CTNNA3: variants seen among roughly 807,000 people sequenced by gnomAD.
CTNNA3 encodes catenin alpha-3.
Under a neutral mutation model 95.7 loss-of-function variants are expected in CTNNA3, and 76 were observed. The observed-to-expected ratio is 0.79, with a 90% CI of 0.66 to 0.96. The LOEUF (loss-of-function observed/expected upper bound fraction) is 0.96. Ranked by LOEUF, CTNNA3 falls within the 40% of genes least tolerant of loss-of-function variation. The probability of loss-of-function intolerance (pLI) is 0.00; values close to 1 mark genes in which losing one functional copy is unlikely to be tolerated. For synonymous variants in CTNNA3, 431 were observed against 374.4 expected (o/e 1.15, Z -1.74); for missense variants, 1,191 against 1,089.8 (o/e 1.09, Z -1.31).
chr10:66,046,979 G>A (rs1435647102), intron 15 of CTNNA3, among the ~76,000 whole-genome samples: 2 of 151,828 alleles, frequency 1.3e-5, no homozygotes, highest in Non-Finnish European at 2.9e-5. Flanking sequence ...AAATTAACTC[G>A]GTAATAAATA....
intron 1 of CTNNA3, among the ~76,000 whole-genome samples, chr10:67,726,058 T>C (rs1471429558): frequency 3.1e-5 from 4 of 128,048 alleles, no homozygotes; most frequent in African/African-American, 5.9e-5. Flanking sequence ...ATTATTAATA[T>C]AAAAAATAAA....
intron 3 of CTNNA3, among the ~76,000 whole-genome samples, chr10:67,559,042 C>T (rs1841371522): frequency 1.3e-5 from 2 of 152,226 alleles, no homozygotes; most frequent in Admixed American, 1.3e-4. Flanking sequence ...CCTCTGTAGG[C>T]TCCACCTCTG....
intron 9 of CTNNA3, among the ~76,000 whole-genome samples, chr10:66,734,719 C>T (rs369754339): frequency 1.7e-4 from 26 of 151,882 alleles, no homozygotes; most frequent in Admixed American, 1.4e-3. Flanking sequence ...AAAAATTAGC[C>T]GGGCGTGGTG....
At chr10:66,456,794 G>A (rs767048597) in intron 11 of CTNNA3, among the ~76,000 whole-genome samples, 1 of 152,066 alleles carries the variant, frequency 6.6e-6, no homozygotes, top group Non-Finnish European at 1.5e-5. Context: ...AAAAGCCATG[G>A]AACTTTTTGA....
chr10:67,273,095 A>G (rs1839050077), intron 5 of CTNNA3, among the ~76,000 whole-genome samples: 1 of 152,194 alleles, frequency 6.6e-6, no homozygotes, highest in African/African-American at 2.4e-5. Flanking sequence ...TTTATTACTC[A>G]TGAGACTATG....
At chr10:65,957,341 C>T (rs902572032) in intron 17 of CTNNA3, among the ~76,000 whole-genome samples, 2 of 152,124 alleles carry the variant, frequency 1.3e-5, no homozygotes, top group Non-Finnish European at 2.9e-5. Flanking sequence ...GACTCTTTAT[C>T]CAATTTGCCA....
At chr10:66,748,300 C>T (rs905806806) in intron 9 of CTNNA3, among the ~76,000 whole-genome samples, 15 of 152,160 alleles carry the variant, frequency 9.9e-5, no homozygotes, top group African/African-American at 3.6e-4. Flanking sequence ...TTCAAGGTTA[C>T]CTTTTTTAAA....
At chr10:67,699,108 G>C (rs1841012668), upstream of CTNNA3, among the ~76,000 whole-genome samples, 1 of 151,988 alleles carries the variant, frequency 6.6e-6, no homozygotes, top group Admixed American at 6.6e-5. Flanking sequence ...ACCTTTTCAA[G>C]GACTCTGCTC....
intron 7 of CTNNA3, among the ~76,000 whole-genome samples, chr10:66,941,102 G>A (rs947772097): frequency 2.6e-5 from 4 of 152,190 alleles, no homozygotes; most frequent in African/African-American, 9.7e-5. Flanking sequence ...TTTATCCAGG[G>A]AGGTACTTTA....
Position 66,215,159 on chromosome 10 carries a change from A to C in CTNNA3, c.1884+65311T>G, listed in dbSNP as rs553579547. On this transcript the variant is annotated intron_variant, in intron 13 of 17. Coordinates refer to ENST00000433211, the MANE Select transcript of CTNNA3 (RefSeq NM_013266.4). ...ATGATGGTTTCCAATGAGAGGTGAA[A>C]ATATTCAAAAGATGTGGCTCAACTG... Among the ~76,000 whole-genome samples the C allele has an allele frequency of 1.1e-3, 164 of 152,318 alleles. 1 individual carries two copies. The highest frequency in any genetic ancestry group is 3.9e-3 in the African/African-American group (161 of 41,562).
intron 12 of CTNNA3, among the ~76,000 whole-genome samples, chr10:66,356,911 T>C (rs947536621): frequency 6.6e-6 from 1 of 152,098 alleles, no homozygotes; most frequent in Non-Finnish European, 1.5e-5. Flanking sequence ...TGGGTTGCAA[T>C]AATTAATTTT....
chr10:66,536,136 T>TGA (rs71035152), intron 10 of CTNNA3, among the ~76,000 whole-genome samples: 100,130 of 143,634 alleles, frequency 0.7, 35,616 homozygotes, highest in Non-Finnish European at 0.79. Flanking sequence ...TGAAACGACA[T>TGA]GAGAGAGAGA....
rs1415878583 is a variant in CTNNA3, at chr10:65,914,119, A to T, written c.*6211T>A. 1 of 152,112 alleles carries T rather than the reference A, an allele frequency of 6.6e-6. No homozygotes were observed. Among genetic ancestry groups the T allele is most frequent in the African/African-American group, 2.4e-5 (1 of 41,430 alleles). 9.4% of individuals were successfully genotyped at this position (152,112 alleles called of 1,614,324 possible). A position where few individuals can be genotyped will look rare whatever the true frequency, so the allele number is the denominator to read the frequency against. ...CATTTGAAATGAAAACACAAGAACT[A>T]CTCTGCTAATATTAAGTAGCTTTTG... On this transcript the variant is annotated 3_prime_UTR_variant, in exon 18 of 18. Coordinates refer to ENST00000433211, the MANE Select transcript of CTNNA3 (RefSeq NM_013266.4).
chr10:66,095,613 T>C (rs930551449), intron 14 of CTNNA3, among the ~76,000 whole-genome samples: 2 of 152,092 alleles, frequency 1.3e-5, no homozygotes, highest in Non-Finnish European at 2.9e-5. Flanking sequence ...TGTTTTTCTA[T>C]TTCATAGTGA....
At position 66,379,259 on chromosome 10, in the gene CTNNA3, C is replaced by T; in HGVS notation, c.1625G>A (p.Gly542Asp). 6.2e-7 allele frequency: 1 copy of T among 1,614,104 alleles called. No homozygotes were observed. Among genetic ancestry groups the T allele is most frequent in the Non-Finnish European group, 8.5e-7 (1 of 1,179,970 alleles). Residue 542 changes from glycine to aspartate, a missense_variant, in exon 12 of 18, where the codon GGC becomes GAC. Transcript: ENST00000433211. ...GATGTGAGCAACTCTTGCTGCCCGG[C>T]CTCTGATAGCACCCGCAGCACGGTC... is the stretch of plus-strand genomic sequence containing the variant. The part of the protein sequence containing the change: ...NLDRAAGAIR[G>D]RAARVAHIVT...
At chr10:67,532,060 T>TAC (rs1458075199) in intron 4 of CTNNA3, among the ~76,000 whole-genome samples, 1 of 152,146 alleles carries the variant, frequency 6.6e-6, no homozygotes, top group Non-Finnish European at 1.5e-5. Flanking sequence ...TGTGGAACTG[T>TAC]AAGTCCATTA....
intron 17 of CTNNA3, among the ~76,000 whole-genome samples, chr10:65,931,117 A>G (rs750558431): frequency 3.3e-5 from 5 of 152,116 alleles, no homozygotes; most frequent in Non-Finnish European, 7.4e-5. Flanking sequence ...TGACCCTATA[A>G]ACTATGTCAT....
chr10:66,675,890 G>A (rs1268779357), intron 9 of CTNNA3, among the ~76,000 whole-genome samples: 1 of 151,996 alleles, frequency 6.6e-6, no homozygotes, highest in Non-Finnish European at 1.5e-5. Flanking sequence ...GAAAGCAAAG[G>A]CTATGCCACC....
intron 5 of CTNNA3, among the ~76,000 whole-genome samples, chr10:67,312,699 T>C (rs761056127): frequency 8.5e-5 from 13 of 152,218 alleles, no homozygotes; most frequent in Non-Finnish European, 1.6e-4. Context: ...AGCATGTCCC[T>C]GGACCGTAAC....
Sources: allele counts gnomAD v4.1 joint callset (sites outside exome capture counted in the v4.1 genomes callset), GRCh38; gene constraint gnomAD v4.1.1; transcripts MANE v1.5; gene names NCBI Gene and HGNC (gene_info 2026-07-23, HGNC 2026-07-21).